GALNT1: variants seen among roughly 807,000 people sequenced by gnomAD.
GALNT1 encodes polypeptide N-acetylgalactosaminyltransferase 1.
Under a neutral mutation model 65.7 loss-of-function variants are expected in GALNT1, and 17 were observed. The observed-to-expected ratio is 0.26, with a 90% confidence interval of 0.18 to 0.39. The LOEUF (loss-of-function observed/expected upper bound fraction) is 0.39, where lower values mean the gene tolerates loss of function less well. Among genes scored for constraint, GALNT1 ranks in the 10% least tolerant of loss-of-function variants. The probability of loss-of-function intolerance (pLI) is 1.00; values close to 1 mark genes in which losing one functional copy is unlikely to be tolerated. For synonymous variants in GALNT1, 210 were observed against 219.7 expected, an observed-to-expected ratio of 0.96 and a Z score of 0.39; for missense variants, 460 against 672.8, an observed-to-expected ratio of 0.68 and a Z score of 3.50.
chr18:35,584,721 T>A (rs2046360479), intron 1 of GALNT1, among the ~76,000 whole-genome samples: 2 of 152,318 alleles, frequency 1.3e-5, no homozygotes, highest in South Asian at 4.1e-4. Flanking sequence ...CATTAGATTC[T>A]CATAAGTCTT....
intron 1 of GALNT1, among the ~76,000 whole-genome samples, chr18:35,641,912 AT>A (rs1156626395): frequency 2.0e-5 from 3 of 152,110 alleles, no homozygotes; most frequent in Non-Finnish European, 4.4e-5. Flanking sequence ...CTTAAAAAAA[AT>A]AATATTTTGT....
chr18:35,629,901 G>T (rs754309696), intron 1 of GALNT1, among the ~76,000 whole-genome samples: 19 of 152,262 alleles, frequency 1.2e-4, no homozygotes, highest in Non-Finnish European at 2.6e-4. Context: ...GGCAGGGGTT[G>T]CAATCCTAGT....
At chr18:35,707,951 T>G (rs1355763069) in intron 11 of GALNT1, among the ~76,000 whole-genome samples, 1 of 152,218 alleles carries the variant, frequency 6.6e-6, no homozygotes, top group East Asian at 1.9e-4. Flanking sequence ...TTTCCAATAA[T>G]AAGCATTACT....
rs1485674731 is a variant in GALNT1 at position 35,673,259 on chromosome 18, A to G, written c.315-4332A>G. ...CATGGAGGAGAGCATTGGATTATAC[A>G]TGCATAGTCACCTTGATGTGGAAAT... On this transcript the variant is annotated intron_variant, in intron 3 of 11. Coordinates refer to ENST00000269195, the MANE Select transcript of GALNT1 (RefSeq NM_020474.4). Among the ~76,000 whole-genome samples the G allele has an allele frequency of 2.6e-5, 4 of 152,360 alleles. No homozygotes were observed. In the East Asian group the frequency reaches 5.8e-4, roughly 22 times the overall value.
rs1485511907 is a variant in GALNT1 at position 35,710,719 on chromosome 18, T to C, written c.*949T>C. On this transcript the variant is annotated 3_prime_UTR_variant, in exon 12 of 12. Transcript: ENST00000269195. ...GACTTCTTCACTTGACCTAACTGATTATGCGAAATACCCAAGATTCATGCT... is the reference window on the plus strand; with the variant it reads ...GACTTCTTCACTTGACCTAACTGATCATGCGAAATACCCAAGATTCATGCT... 1 of 152,658 alleles carries C rather than the reference T, an allele frequency of 6.6e-6. No homozygotes were observed. The highest frequency in any genetic ancestry group is 1.5e-5 in the Non-Finnish European group (1 of 68,046). 9.5% of individuals were successfully genotyped at this position (152,658 alleles called of 1,614,324 possible).
At chr18:35,618,242 A>G (rs2046809638) in intron 1 of GALNT1, among the ~76,000 whole-genome samples, 1 of 152,152 alleles carries the variant, frequency 6.6e-6, no homozygotes, top group Non-Finnish European at 1.5e-5. Context: ...CTAAACCTGT[A>G]AAATAATCTT....
intron 9 of GALNT1, among the ~76,000 whole-genome samples, chr18:35,699,212 G>GGGAT (rs1452020657): frequency 1.3e-5 from 2 of 152,098 alleles, no homozygotes; most frequent in African/African-American, 4.8e-5. Context: ...ATAATTCATA[G>GGGAT]GGATGTATCA....
At chr18:35,634,099 G>T (rs866816113) in intron 1 of GALNT1, among the ~76,000 whole-genome samples, 4 of 152,148 alleles carry the variant, frequency 2.6e-5, no homozygotes, top group Admixed American at 6.5e-5. Flanking sequence ...ATCTGAGAAG[G>T]TGCCTCTAGA....
intron 2 of GALNT1, among the ~76,000 whole-genome samples, chr18:35,662,718 G>T (rs1184394580): frequency 1.3e-5 from 2 of 151,964 alleles, no homozygotes; most frequent in Admixed American, 6.6e-5. Context: ...TCCCATTTTT[G>T]ACCTCACCTC....
At chr18:35,615,282 C>T (rs2046768929) in intron 1 of GALNT1, among the ~76,000 whole-genome samples, 1 of 152,028 alleles carries the variant, frequency 6.6e-6, no homozygotes, top group Non-Finnish European at 1.5e-5. Flanking sequence ...AGGCAAAAAC[C>T]AGAACTCTAA....
At chr18:35,621,410 C>G (rs2046850232) in intron 1 of GALNT1, among the ~76,000 whole-genome samples, 1 of 147,626 alleles carries the variant, frequency 6.8e-6, no homozygotes, top group Non-Finnish European at 1.5e-5. Flanking sequence ...CCAGGCTGGT[C>G]TTGAACTTCT....
intron 2 of GALNT1, among the ~76,000 whole-genome samples, chr18:35,655,535 T>C (rs2047372990): frequency 6.7e-6 from 1 of 148,964 alleles, no homozygotes; most frequent in African/African-American, 2.5e-5. Flanking sequence ...ATAATGAAAA[T>C]GACTGCATTG....
chr18:35,673,615 T>C (rs902787662), intron 3 of GALNT1, among the ~76,000 whole-genome samples: 1 of 152,198 alleles, frequency 6.6e-6, no homozygotes, highest in African/African-American at 2.4e-5. Context: ...AGAGTAGGAC[T>C]TTTTTAGAGA....
intron 1 of GALNT1, among the ~76,000 whole-genome samples, chr18:35,582,230 A>G (rs1484659326): frequency 6.6e-6 from 1 of 151,988 alleles, no homozygotes; most frequent in Non-Finnish European, 1.5e-5. Context: ...TCGCGGCGCC[A>G]CGGGGGAGGG....
intron 10 of GALNT1, 109 bp downstream of exon 10, chr18:35,703,104 G>A (rs984352948): frequency 6.4e-6 from 4 of 628,614 alleles, no homozygotes; most frequent in Admixed American, 3.1e-5. Context: ...CCTTTAAAGA[G>A]AAAATAATAA....
intron 1 of GALNT1, among the ~76,000 whole-genome samples, chr18:35,629,192 A>G (rs149463827): frequency 0.095 from 14,502 of 152,254 alleles, 835 homozygotes; most frequent in African/African-American, 0.17. Flanking sequence ...GCAGGCCAAC[A>G]TTCAGATTCA....
In GALNT1 at chr18:35,669,792, A is replaced by T. The variant is rs1053668876; in HGVS notation, c.314+5990A>T. On this transcript the variant is annotated intron_variant, in intron 3 of 11. Coordinates refer to ENST00000269195, the MANE Select transcript of GALNT1 (RefSeq NM_020474.4). Reference sequence around the variant, plus strand: ...TGGAACATGACACAGATGCCTGTTAACACCACTTCTGTTCAGTGTCTTACT... The same window carrying T: ...TGGAACATGACACAGATGCCTGTTATCACCACTTCTGTTCAGTGTCTTACT... Among the ~76,000 whole-genome samples, 6 of 152,326 alleles carry T rather than the reference A, an allele frequency of 3.9e-5. 1 individual carries two copies. The highest frequency in any genetic ancestry group is 2.0e-4 in the Admixed American group (3 of 15,296).
chr18:35,688,628 C>A (rs1444853708), intron 6 of GALNT1, among the ~76,000 whole-genome samples: 1 of 152,102 alleles, frequency 6.6e-6, no homozygotes, highest in African/African-American at 2.4e-5. Flanking sequence ...ATTTTGTCTC[C>A]TCTCCTTAAA....
rs549618045 is a variant in GALNT1 at position 35,603,059 on chromosome 18, G to A, written c.-104+21197G>A. 9.5e-4 allele frequency among the ~76,000 whole-genome samples: 144 copies of A among 152,166 alleles called. 1 individual carries two copies. The highest frequency in any genetic ancestry group is 3.0e-3 in the African/African-American group (125 of 41,512). On this transcript the variant is annotated intron_variant, in intron 1 of 11. Transcript: ENST00000269195. Reference sequence around the variant, plus strand: ...ATCCTAGATCACTGCCTCCTTTTTGGCACTGCATGGTGCCTTAAGTCTAGG... The same window carrying A: ...ATCCTAGATCACTGCCTCCTTTTTGACACTGCATGGTGCCTTAAGTCTAGG...
Sources: allele counts gnomAD v4.1 joint callset (sites outside exome capture counted in the v4.1 genomes callset), GRCh38; gene constraint gnomAD v4.1.1; transcripts MANE v1.5; gene names NCBI Gene and HGNC (gene_info 2026-07-23, HGNC 2026-07-21).